DCDC1: variants seen among roughly 807,000 people sequenced by gnomAD.
DCDC1 encodes doublecortin domain-containing protein 1.
Under a neutral mutation model 178.3 loss-of-function variants are expected in DCDC1, and 200 were observed. The observed-to-expected ratio is 1.12, with a 90% confidence interval of 1.00 to 1.26. The LOEUF (loss-of-function observed/expected upper bound fraction) is 1.26. Ranked by LOEUF, DCDC1 falls within the 50% of genes most tolerant of loss-of-function variation. The pLI is 0.00. For synonymous variants in DCDC1, 690 were observed against 604.8 expected (o/e 1.14, Z -2.07); for missense variants, 1,983 against 1,749.2 (o/e 1.13, Z -2.38).
At chr11:31,274,596 G>C (rs770234142) in intron 7 of DCDC1, among the ~76,000 whole-genome samples, 1 of 150,382 alleles carries the variant, frequency 6.6e-6, no homozygotes, top group Non-Finnish European at 1.5e-5. Flanking sequence ...GAATCGAAAG[G>C]TCAGCATATG....
rs1253013814 is a variant in DCDC1, at chr11:31,307,573, TA to T, written c.434+65del. ...TCTGAGATAGTCAATTGAAACATTATAAACTCTGCTCAAAGGAAAGAACTTC... is the reference window on the plus strand; with the variant it reads ...TCTGAGATAGTCAATTGAAACATTATAACTCTGCTCAAAGGAAAGAACTTC... On this transcript the variant is annotated intron_variant, in intron 4 of 38. Coordinates refer to ENST00000684477, the MANE Select transcript of DCDC1 (RefSeq NM_001387274.1). The T allele has an allele frequency of 3.2e-6, 5 of 1,570,720 alleles. No individual in the cohort carries two copies. The African/African-American group carries it at 5.4e-5, about 17-fold the overall frequency.
At chr11:31,096,662 A>G (rs1158146600) in intron 15 of DCDC1, among the ~76,000 whole-genome samples, 1 of 152,088 alleles carries the variant, frequency 6.6e-6, no homozygotes, top group African/African-American at 2.4e-5. Context: ...GAACAGACAC[A>G]GCAAGGCCCA....
At chr11:31,049,991 A>G (rs193219246) in intron 20 of DCDC1, among the ~76,000 whole-genome samples, 1 of 152,322 alleles carries the variant, frequency 6.6e-6, no homozygotes, top group East Asian at 1.9e-4. Flanking sequence ...TGAACAGGGC[A>G]AGAAGCCTCC....
chr11:30,974,227 T>G (rs1949978492), intron 20 of DCDC1, among the ~76,000 whole-genome samples: 1 of 142,980 alleles, frequency 7.0e-6, no homozygotes, highest in Non-Finnish European at 1.5e-5. Context: ...TCGGATACAG[T>G]AAAAGCAGTG....
chr11:31,000,269 C>A (rs1298738937), intron 20 of DCDC1, among the ~76,000 whole-genome samples: 1 of 152,150 alleles, frequency 6.6e-6, no homozygotes, highest in Non-Finnish European at 1.5e-5. Context: ...GGAAAGAATT[C>A]AGTATAATTG....
At chr11:31,163,253 G>A (rs956120344) in intron 9 of DCDC1, among the ~76,000 whole-genome samples, 1 of 151,990 alleles carries the variant, frequency 6.6e-6, no homozygotes, top group African/African-American at 2.4e-5. Flanking sequence ...ATAAAATAAA[G>A]GCAATATTTA....
intron 9 of DCDC1, among the ~76,000 whole-genome samples, chr11:31,206,557 G>A (rs1000188333): frequency 2.0e-5 from 3 of 152,142 alleles, no homozygotes; most frequent in Non-Finnish European, 4.4e-5. Flanking sequence ...GGGATTACAG[G>A]CATGCGCCAC....
Position 31,246,307 on chromosome 11 carries a change from C to T in DCDC1, c.1055-4691G>A, listed in dbSNP as rs921059722. ...CATGAGACTATGAAAGAAAAGCACA[C>T]TGCCCAGAGTATAGTTACCTATAAA... is the stretch of plus-strand genomic sequence containing the variant. On this transcript the variant is annotated intron_variant, in intron 8 of 38. Transcript: ENST00000684477. 3.3e-5 allele frequency among the ~76,000 whole-genome samples: 5 copies of T among 152,150 alleles called. No homozygotes were observed. The Middle Eastern group carries it at 0.01, about 311-fold the overall frequency.
At chr11:30,991,688 T>C (rs565877615) in intron 20 of DCDC1, among the ~76,000 whole-genome samples, 1 of 152,244 alleles carries the variant, frequency 6.6e-6, no homozygotes, top group South Asian at 2.1e-4. Context: ...CTTGAAAAAA[T>C]ATATATACTT....
intron 20 of DCDC1, among the ~76,000 whole-genome samples, chr11:31,043,949 A>G (rs1186646207): frequency 2.6e-5 from 4 of 151,992 alleles, no homozygotes; most frequent in Non-Finnish European, 2.9e-5. Flanking sequence ...GACCTTTACC[A>G]GATTGCAGGA....
At chr11:31,306,531 T>C (rs1278448525) in intron 4 of DCDC1, 143 bp from the exon 5 acceptor site, 1 of 809,518 alleles carries the variant, frequency 1.2e-6, no homozygotes, top group Non-Finnish European at 1.7e-6. Context: ...AAACTTTTTA[T>C]AGGATAAGAT....
chr11:31,138,240 T>TA (rs1963398534), intron 9 of DCDC1, among the ~76,000 whole-genome samples: 1 of 152,172 alleles, frequency 6.6e-6, no homozygotes, highest in South Asian at 2.1e-4. Flanking sequence ...CTAAATCACT[T>TA]ATAATATTTC....
At position 31,305,645 on chromosome 11, in the gene DCDC1, G is replaced by T. The variant is rs1339392183; in HGVS notation, c.724C>A (p.Pro242Thr). The T allele has an allele frequency of 2.5e-6, 4 of 1,613,470 alleles. No homozygotes were observed. Residue 242 changes from proline to threonine, a missense_variant, in exon 6 of 39, where the codon CCC becomes ACC. Coordinates refer to ENST00000684477, the MANE Select transcript of DCDC1 (RefSeq NM_001387274.1). ...ATTTTTTTGAATGGATTTAAAAAGG[G>T]CTCTCCCGTTGAAACATAAACATCG... ...EADVYVSTGE[P>T]FLNPFKKIKD...
chr11:31,078,965 G>T (rs1957019816), intron 17 of DCDC1, among the ~76,000 whole-genome samples: 1 of 152,136 alleles, frequency 6.6e-6, no homozygotes, highest in African/African-American at 2.4e-5. Context: ...AAAATCAAAT[G>T]TTTAAACTTA....
Position 31,121,981 on chromosome 11 carries a change from G to C in DCDC1, c.1485+5488C>G, listed in dbSNP as rs550667653. 2.6e-5 allele frequency among the ~76,000 whole-genome samples: 4 copies of C among 152,254 alleles called. No homozygotes were observed. In the East Asian group the frequency reaches 7.7e-4, roughly 29 times the overall value. ...CACTCTATGATAGTACGTGCCACAAGGTGGGATAAAGTTGTTCATAATCAG... is the reference window on the plus strand; with the variant it reads ...CACTCTATGATAGTACGTGCCACAACGTGGGATAAAGTTGTTCATAATCAG... On this transcript the variant is annotated intron_variant, in intron 11 of 38. Transcript: ENST00000684477.
At chr11:31,177,937 A>G (rs1300451477) in intron 9 of DCDC1, among the ~76,000 whole-genome samples, 1 of 152,214 alleles carries the variant, frequency 6.6e-6, no homozygotes, top group African/African-American at 2.4e-5. Flanking sequence ...GGGAACTTCA[A>G]TACACTGCTA....
chr11:31,128,446 T>C (rs1565321101), intron 10 of DCDC1, among the ~76,000 whole-genome samples: 4 of 152,242 alleles, frequency 2.6e-5, no homozygotes, highest in Admixed American at 1.3e-4. Context: ...TTACCATTCT[T>C]TGACTCTTCA....
At chr11:30,983,748 C>T (rs73467148) in intron 20 of DCDC1, among the ~76,000 whole-genome samples, 271 of 152,216 alleles carry the variant, frequency 1.8e-3, no homozygotes, top group African/African-American at 6.2e-3. Context: ...CTTTAAAAAA[C>T]GTGCTTAGAG....
At chr11:30,927,614 T>C (rs1432053533) in intron 22 of DCDC1, among the ~76,000 whole-genome samples, 1 of 152,180 alleles carries the variant, frequency 6.6e-6, no homozygotes, top group Admixed American at 6.5e-5. Flanking sequence ...TCCAGTGGTC[T>C]TTCCAATATT....
Sources: gnomAD v4.1 joint callset for allele counts (sites outside exome capture counted in the v4.1 genomes callset) on GRCh38, gnomAD v4.1.1 for gene constraint, MANE v1.5 for transcripts, NCBI Gene and HGNC (gene_info 2026-07-23, HGNC 2026-07-21) for gene names.